Variants in PTPRD observed in about 807,000 individuals in gnomAD.
PTPRD encodes protein tyrosine phosphatase receptor type D.
A neutral mutation model predicts 214.5 loss-of-function variants in PTPRD; 34 were observed. The ratio of observed to expected loss-of-function variants is 0.16; its 90% CI spans 0.12 to 0.21. The LOEUF (loss-of-function observed/expected upper bound fraction) is 0.21. Ranked by LOEUF, PTPRD falls within the 10% of genes least tolerant of loss-of-function variation. PTPRD has a pLI of 1.00. For synonymous variants in PTPRD, 1,128 were observed against 845.7 expected (o/e 1.33, Z -5.79); for missense variants, 2,545 against 2,398.7 (o/e 1.06, Z -1.27).
At chr9:9,300,457 C>A (rs1490206908) in intron 9 of PTPRD, among the ~76,000 whole-genome samples, 1 of 151,772 alleles carries the variant, frequency 6.6e-6, no homozygotes, top group South Asian at 2.1e-4. Flanking sequence ...CATTTTGCTA[C>A]ATAAGCTTTC....
At chr9:10,489,165 T>C (rs2099151915) in intron 2 of PTPRD, among the ~76,000 whole-genome samples, 1 of 151,992 alleles carries the variant, frequency 6.6e-6, no homozygotes, top group Non-Finnish European at 1.5e-5. Flanking sequence ...ACTCCTCAAT[T>C]ATCAGGCGAT....
intron 3 of PTPRD, among the ~76,000 whole-genome samples, chr9:10,081,626 C>A (rs1351072091): frequency 6.6e-6 from 1 of 152,036 alleles, no homozygotes; most frequent in African/African-American, 2.4e-5. Context: ...GCCTTCATAA[C>A]TATAAGAAAG....
chr9:8,341,069 C>A (rs200310749), intron 41 of PTPRD, 21 bp downstream of exon 41: 1 of 1,561,638 alleles, frequency 6.4e-7, no homozygotes, highest in South Asian at 1.2e-5. Context: ...TTTGGATAGT[C>A]AGGGGAGCAA....
intron 3 of PTPRD, among the ~76,000 whole-genome samples, chr9:10,274,039 T>C (rs928659876): frequency 2.0e-5 from 3 of 152,120 alleles, no homozygotes; most frequent in African/African-American, 7.2e-5. Flanking sequence ...AATTTCATTC[T>C]TGAGAAATTC....
intron 9 of PTPRD, among the ~76,000 whole-genome samples, chr9:9,371,200 C>CT (rs2059397433): frequency 6.6e-6 from 1 of 152,088 alleles, no homozygotes; most frequent in Non-Finnish European, 1.5e-5. Context: ...ACCAGCTCCT[C>CT]CTGTACCTCT....
chr9:9,129,951 T>C (rs2099840087), intron 10 of PTPRD, among the ~76,000 whole-genome samples: 1 of 152,156 alleles, frequency 6.6e-6, no homozygotes, highest in African/African-American at 2.4e-5. Flanking sequence ...ATTTGTAAAA[T>C]AGGTGTAACA....
intron 5 of PTPRD, among the ~76,000 whole-genome samples, chr9:9,797,285 T>C (rs1278901281): frequency 1.3e-5 from 2 of 150,028 alleles, no homozygotes; most frequent in Non-Finnish European, 3.0e-5. Flanking sequence ...GTTTAGTTGT[T>C]TGGGTTTTTT....
chr9:9,784,177 T>TA (rs2098895709), intron 5 of PTPRD, among the ~76,000 whole-genome samples: 1 of 152,130 alleles, frequency 6.6e-6, no homozygotes, highest in African/African-American at 2.4e-5. Flanking sequence ...TTCTTTGACA[T>TA]ATAATGCATA....
intron 10 of PTPRD, among the ~76,000 whole-genome samples, chr9:9,180,198 A>C (rs1056482864): frequency 6.6e-6 from 1 of 151,732 alleles, no homozygotes; most frequent in South Asian, 2.1e-4. Context: ...GAACCAACCC[A>C]AATGTCCAAC....
chr9:9,207,971 C>A (rs148722086), intron 9 of PTPRD, among the ~76,000 whole-genome samples: 283 of 144,538 alleles, frequency 2.0e-3, no homozygotes, highest in African/African-American at 6.9e-3. Flanking sequence ...ACATAGTATG[C>A]CATTATTTTT....
chr9:10,374,734 T>C (rs1427317488), intron 2 of PTPRD, among the ~76,000 whole-genome samples: 1 of 152,006 alleles, frequency 6.6e-6, no homozygotes, highest in Non-Finnish European at 1.5e-5. Flanking sequence ...CCCACTTGAT[T>C]AGAAAAAAAT....
intron 2 of PTPRD, among the ~76,000 whole-genome samples, chr9:10,363,756 A>T (rs1284016411): frequency 6.6e-6 from 1 of 151,774 alleles, no homozygotes; most frequent in Non-Finnish European, 1.5e-5. Context: ...ATAAAATGTG[A>T]CCCCTTATGG....
At chr9:9,375,739 T>A (rs994981174) in intron 9 of PTPRD, among the ~76,000 whole-genome samples, 6 of 152,184 alleles carry the variant, frequency 3.9e-5, no homozygotes, top group Non-Finnish European at 8.8e-5. Flanking sequence ...ATGAGGTATC[T>A]GGAATAGCTG....
In PTPRD at chr9:8,898,835, A is replaced by T. The variant is rs1174600593; in HGVS notation, c.-104+119862T>A. ...TGTGAAAGGTCATATTAAGTAGGGG[A>T]AATAAAGTGATAGATTTTATTTTTT... On this transcript the variant is annotated intron_variant, in intron 11 of 45. Transcript: ENST00000381196. Among the ~76,000 whole-genome samples the T allele has an allele frequency of 2.0e-5, 3 of 152,188 alleles. No individual in the cohort carries two copies. In the East Asian group the frequency reaches 5.8e-4, roughly 29 times the overall value.
intron 7 of PTPRD, among the ~76,000 whole-genome samples, chr9:9,588,176 C>A (rs16929849): frequency 6.6e-6 from 1 of 151,678 alleles, no homozygotes; most frequent in Non-Finnish European, 1.5e-5. Context: ...ATGGGACCTG[C>A]AAGGATTTTA....
intron 5 of PTPRD, among the ~76,000 whole-genome samples, chr9:9,848,276 A>G (rs1370950422): frequency 6.6e-6 from 1 of 152,166 alleles, no homozygotes. Context: ...TTATATCAAC[A>G]CATGTCCCCT....
At chr9:10,564,329 T>G (rs1354635825) in intron 2 of PTPRD, among the ~76,000 whole-genome samples, 1 of 151,368 alleles carries the variant, frequency 6.6e-6, no homozygotes, top group East Asian at 1.9e-4. Flanking sequence ...ATCCGAATTT[T>G]AAAATAGACG....
intron 11 of PTPRD, among the ~76,000 whole-genome samples, chr9:8,930,906 T>C (rs192237701): frequency 9.2e-5 from 14 of 152,328 alleles, no homozygotes; most frequent in Admixed American, 4.6e-4. Flanking sequence ...TCCCATTCTG[T>C]AGGTCGCCTG....
At chr9:9,877,341 T>C (rs1213381884) in intron 5 of PTPRD, among the ~76,000 whole-genome samples, 1 of 152,154 alleles carries the variant, frequency 6.6e-6, no homozygotes, top group Non-Finnish European at 1.5e-5. Flanking sequence ...TCCAATGTCA[T>C]GGGGAGGATA....
Sources: allele counts gnomAD v4.1 joint callset (sites outside exome capture counted in the v4.1 genomes callset), GRCh38; gene constraint gnomAD v4.1.1; transcripts MANE v1.5; gene names NCBI Gene and HGNC (gene_info 2026-07-23, HGNC 2026-07-21).